VPS13C: variants seen among roughly 807,000 people sequenced by gnomAD.
The protein encoded by VPS13C is vacuolar protein sorting 13 homolog C, also known as intermembrane lipid transfer protein VPS13C.
Under a neutral mutation model 456.8 loss-of-function variants are expected in VPS13C, and 358 were observed. The observed-to-expected ratio is 0.78, with a 90% CI of 0.72 to 0.86. The LOEUF (loss-of-function observed/expected upper bound fraction) is 0.86. Among genes scored for constraint, VPS13C ranks in the 40% least tolerant of loss-of-function variants. The probability of loss-of-function intolerance (pLI) is 0.00; values close to 1 mark genes in which losing one functional copy is unlikely to be tolerated. For missense variants in VPS13C, 4,818 were observed against 4,385.4 expected (o/e 1.10, Z -2.79); for synonymous variants, 1,578 against 1,486.7 (o/e 1.06, Z -1.41).
intron 57 of VPS13C, 67 bp downstream of exon 57, chr15:61,920,000 T>A: frequency 7.3e-7 from 1 of 1,367,808 alleles, no homozygotes; most frequent in Non-Finnish European, 9.6e-7. Context: ...TTTTTTCACA[T>A]TTTATCAAAA....
intron 79 of VPS13C, among the ~76,000 whole-genome samples, chr15:61,871,028 G>A (rs999628690): frequency 6.6e-6 from 1 of 151,934 alleles, no homozygotes; most frequent in African/African-American, 2.4e-5. Flanking sequence ...TATATGATTT[G>A]CAAAAATTTT....
At chr15:62,032,257 A>G (rs530215975) in intron 5 of VPS13C, among the ~76,000 whole-genome samples, 2 of 148,482 alleles carry the variant, frequency 1.3e-5, no homozygotes, top group South Asian at 4.2e-4. Flanking sequence ...GAATATAAAG[A>G]AAAAAATCAC....
At chr15:62,033,749 A>G (rs2047895888) in intron 4 of VPS13C, among the ~76,000 whole-genome samples, 1 of 151,818 alleles carries the variant, frequency 6.6e-6, no homozygotes, top group African/African-American at 2.4e-5. Flanking sequence ...AGGAGGGAAG[A>G]AAAGAAATTA....
intron 67 of VPS13C, 96 bp from the exon 68 acceptor site, chr15:61,884,365 T>G: frequency 7.7e-7 from 1 of 1,304,602 alleles, no homozygotes; most frequent in Non-Finnish European, 1.0e-6. Context: ...TATTTTCCTA[T>G]GAAAATTACA....
rs768856116 is a variant in VPS13C, at chr15:61,967,364, T to G, written c.2991+4A>C. 7 of 1,600,634 alleles carry G rather than the reference T, an allele frequency of 4.4e-6. No individual in the cohort carries two copies. Among genetic ancestry groups the G allele is most frequent in the Admixed American group, 3.4e-5 (2 of 58,784 alleles). ...TAAATATATAATCATTCTATAGCCCTTACCTTAATATACTCCACTTTCAAA... is the reference window on the plus strand; with the variant it reads ...TAAATATATAATCATTCTATAGCCCGTACCTTAATATACTCCACTTTCAAA... On this transcript the variant is annotated splice_donor_region_variant and intron_variant, in intron 29 of 84. Transcript: ENST00000644861.
At position 62,041,566 on chromosome 15, in the gene VPS13C, C is replaced by G. The variant is rs182294558; in HGVS notation, c.145-200G>C. Among the ~76,000 whole-genome samples, 34 of 152,212 alleles carry G rather than the reference C, an allele frequency of 2.2e-4. No homozygotes were observed. In the South Asian group the frequency reaches 3.9e-3, roughly 18 times the overall value. ...GGTGCAGTGGCTCACACCTGTAATC[C>G]CAGCACTTTGGGAAGCCGAGGCGGG... On this transcript the variant is annotated intron_variant, in intron 2 of 84. Transcript: ENST00000644861.
rs2045915658 is a variant in VPS13C, at chr15:61,982,459, C to A, written c.2029G>T (p.Gly677Ter). Residue 677 changes from glycine to a stop codon, truncating the protein, a stop_gained and splice_region_variant, in exon 21 of 85, where the codon GGA (glycine) becomes TGA (stop). Coordinates refer to ENST00000644861, the MANE Select transcript of VPS13C (RefSeq NM_020821.3). LOFTEE classifies it high-confidence loss of function. ...TTATGTAGACACTCAAATTCTTCACCTGTAGCTGTTCTCTCCTTAATTTCT... is the reference window on the plus strand; with the variant it reads ...TTATGTAGACACTCAAATTCTTCACATGTAGCTGTTCTCTCCTTAATTTCT... The part of the protein sequence containing the change: ...LEEIKERTAT[G>*]LTHIIETRKV... The A allele has an allele frequency of 4.4e-6, 7 of 1,604,448 alleles. No individual in the cohort carries two copies. Among genetic ancestry groups the A allele is most frequent in the Non-Finnish European group, 5.9e-6 (7 of 1,176,960 alleles).
intron 5 of VPS13C, among the ~76,000 whole-genome samples, chr15:62,032,765 A>G (rs572641028): frequency 6.6e-6 from 1 of 151,904 alleles, no homozygotes; most frequent in South Asian, 2.1e-4. Flanking sequence ...CTAATAACTC[A>G]TATACCCTAA....
chr15:61,868,140 T>C (rs1185933130), intron 81 of VPS13C, among the ~76,000 whole-genome samples: 2 of 152,116 alleles, frequency 1.3e-5, no homozygotes, highest in South Asian at 2.1e-4. Context: ...TATATATGTA[T>C]ATATTATCAA....
intron 61 of VPS13C, among the ~76,000 whole-genome samples, chr15:61,915,326 A>G (rs1184428428): frequency 6.6e-6 from 1 of 152,224 alleles, no homozygotes; most frequent in Non-Finnish European, 1.5e-5. Context: ...ATCTTTAGAA[A>G]TGCCATTTCA....
chr15:61,930,784 G>A (rs111369472), intron 50 of VPS13C, among the ~76,000 whole-genome samples: 2 of 152,082 alleles, frequency 1.3e-5, no homozygotes, highest in Non-Finnish European at 2.9e-5. Context: ...TCTGCCTACT[G>A]GGAATAATTT....
chr15:61,962,754 T>C lies in VPS13C; in HGVS notation c.3430A>G (p.Lys1144Glu). 1.3e-6 allele frequency: 2 copies of C among 1,592,098 alleles called. No individual in the cohort carries two copies. Among genetic ancestry groups the C allele is most frequent in the Non-Finnish European group, 1.7e-6 (2 of 1,166,042 alleles). The change falls in exon 33 of 85, where the codon AAG (lysine) becomes GAG (glutamate). Residue 1144 changes from lysine to glutamate, a missense_variant. Lys to Glu is a moderately conservative substitution (Grantham distance 56). Transcript: ENST00000644861. ...ATCTGTTTACAATCACCTACTTTCT[T>C]ATGAACTGTCTTTGGATCAACATCT... ...VTDVDPKTVH[K>E]KAVSIMGNEV...
At chr15:61,994,601 TTTTTTTGA>T (rs1210902037) in intron 16 of VPS13C, among the ~76,000 whole-genome samples, 1 of 152,010 alleles carries the variant, frequency 6.6e-6, no homozygotes, top group Admixed American at 6.6e-5. Flanking sequence ...TATCTTTTTT[TTTTTTTGA>T]GATGGATTCT....
At chr15:61,925,939 T>C (rs947521580) in intron 52 of VPS13C, among the ~76,000 whole-genome samples, 1 of 152,236 alleles carries the variant, frequency 6.6e-6, no homozygotes, top group African/African-American at 2.4e-5. Flanking sequence ...AGTTTCCCGA[T>C]GCTTGACAGG....
chr15:62,020,063 T>A (rs1486974574), intron 9 of VPS13C, among the ~76,000 whole-genome samples: 2 of 151,104 alleles, frequency 1.3e-5, no homozygotes, highest in African/African-American at 4.9e-5. Context: ...CAAAATAAAT[T>A]AATTTACATA....
At chr15:61,894,169 G>A (rs745449944) in intron 66 of VPS13C, among the ~76,000 whole-genome samples, 4 of 152,008 alleles carry the variant, frequency 2.6e-5, no homozygotes, top group African/African-American at 4.8e-5. Context: ...TTAGCTAGGC[G>A]TGGTGGCGTA....
intron 37 of VPS13C, among the ~76,000 whole-genome samples, chr15:61,956,335 G>T (rs923001748): frequency 1.3e-5 from 2 of 151,762 alleles, no homozygotes; most frequent in Admixed American, 6.6e-5. Context: ...GAGGGGAGAG[G>T]GGGGGACTGG....
chr15:62,037,299 AAT>A (rs796433554), intron 3 of VPS13C, among the ~76,000 whole-genome samples: 1,362 of 63,958 alleles, frequency 0.021, 66 homozygotes, highest in East Asian at 0.082. Context: ...TATATTATAT[AAT>A]ATATATATAA....
chr15:61,929,521 C>T lies in VPS13C; in HGVS notation c.6266G>A (p.Gly2089Glu), dbSNP rs1384783470. ...CTAACCTTTCTCTATCTTGACCTTC[C>T]CTGTGGCAGTCTGTCTTGGTAAAAT... ...TQILPRQTAT[G>E]KVKIEKDDSV... The change falls in exon 51 of 85, where the codon GGG (glycine) becomes GAG (glutamate). Residue 2089 changes from glycine (G) to glutamate (E), a missense_variant. Physicochemically the swap from Gly to Glu is moderately conservative, Grantham distance 98 (BLOSUM62 -2). Transcript: ENST00000644861. The T allele has an allele frequency of 1.9e-6, 3 of 1,613,822 alleles. No homozygotes were observed. The highest frequency in any genetic ancestry group is 2.5e-6 in the Non-Finnish European group (3 of 1,179,894).
Sources: gnomAD v4.1 joint callset for allele counts (sites outside exome capture counted in the v4.1 genomes callset) on GRCh38, gnomAD v4.1.1 for gene constraint, MANE v1.5 for transcripts, NCBI Gene and HGNC (gene_info 2026-07-23, HGNC 2026-07-21) for gene names.